The following DAB1 variants were observed in gnomAD, a reference collection of about 807,000 sequenced individuals.
DAB1 encodes disabled homolog 1.
Under a neutral mutation model 64.6 loss-of-function variants are expected in DAB1, and 15 were observed. That is an observed-to-expected ratio of 0.23 (90% CI 0.16 to 0.36). The LOEUF is 0.36. Ranked by LOEUF, DAB1 falls within the 10% of genes least tolerant of loss-of-function variation. The pLI is 1.00. For synonymous variants in DAB1, 235 were observed against 251.9 expected, an observed-to-expected ratio of 0.93 and a Z score of 0.64; for missense variants, 596 against 706.7, an observed-to-expected ratio of 0.84 and a Z score of 1.78.
intron 6 of DAB1, among the ~76,000 whole-genome samples, chr1:57,801,565 T>C (rs900856463): frequency 2.6e-5 from 4 of 152,210 alleles, no homozygotes; most frequent in Non-Finnish European, 5.9e-5. Context: ...ATTACAGCCA[T>C]GTGCTAAGCA....
intron 1 of DAB1, among the ~76,000 whole-genome samples, chr1:57,310,741 C>T (rs1674630333): frequency 6.6e-6 from 1 of 152,186 alleles, no homozygotes; most frequent in African/African-American, 2.4e-5. Flanking sequence ...ATGCTACTGT[C>T]ATTTCTCTGC....
At chr1:57,365,452 C>A (rs531452887) in intron 1 of DAB1, among the ~76,000 whole-genome samples, 1 of 147,900 alleles carries the variant, frequency 6.8e-6, no homozygotes, top group South Asian at 2.1e-4. Flanking sequence ...TATATTCTTA[C>A]ATATAAAATA....
chr1:57,213,499 G>A (rs950423376), intron 2 of DAB1, among the ~76,000 whole-genome samples: 9 of 151,838 alleles, frequency 5.9e-5, no homozygotes, highest in South Asian at 2.1e-4. Context: ...GAAAAAGAAT[G>A]ATCCAAAAAA....
chr1:58,351,285 C>T (rs1421527742), intron 3 of DAB1, among the ~76,000 whole-genome samples: 21 of 152,082 alleles, frequency 1.4e-4, no homozygotes, highest in Admixed American at 1.3e-3. Flanking sequence ...ATTTTTGGCT[C>T]ATAAACCCAT....
intron 14 of DAB1, among the ~76,000 whole-genome samples, chr1:57,007,403 T>C (rs1026609095): frequency 6.6e-6 from 1 of 152,226 alleles, no homozygotes; most frequent in African/African-American, 2.4e-5. Flanking sequence ...CAGTGAAGTA[T>C]AAATTACCTG....
intron 4 of DAB1, among the ~76,000 whole-genome samples, chr1:58,259,100 A>T (rs1660995916): frequency 6.6e-6 from 1 of 152,180 alleles, no homozygotes; most frequent in Non-Finnish European, 1.5e-5. Flanking sequence ...GATATAAGTG[A>T]CCCATAGTAG....
intron 7 of DAB1, among the ~76,000 whole-genome samples, chr1:57,501,513 T>C (rs1373087597): frequency 3.9e-5 from 6 of 152,202 alleles, no homozygotes; most frequent in Non-Finnish European, 7.3e-5. Context: ...AAGGATTAGA[T>C]AGACACACAG....
intron 3 of DAB1, among the ~76,000 whole-genome samples, chr1:58,412,476 A>G (rs1644680909): frequency 6.6e-6 from 1 of 152,234 alleles, no homozygotes; most frequent in Admixed American, 6.5e-5. Flanking sequence ...TAGTGCAGTT[A>G]CCAACTCTTC....
intron 6 of DAB1, among the ~76,000 whole-genome samples, chr1:57,763,501 C>G (rs1423242799): frequency 2.0e-5 from 3 of 151,870 alleles, no homozygotes; most frequent in Non-Finnish European, 4.4e-5. Context: ...ATAGTGAGAC[C>G]CTGTTTCTAC....
chr1:57,439,430 T>TGTTTTTTTTTGTTTTTTTTTTTTTG (rs1558381471), intron 7 of DAB1, among the ~76,000 whole-genome samples: 1 of 129,464 alleles, frequency 7.7e-6, no homozygotes, highest in East Asian at 2.5e-4. Context: ...TTTTTCTTTT[T>TGTTTTTTTTTGTTTTTTTTTTTTTG]TTTTTTTTTT....
intron 3 of DAB1, among the ~76,000 whole-genome samples, chr1:58,494,625 T>A (rs1465329272): frequency 2.6e-5 from 4 of 152,036 alleles, no homozygotes; most frequent in African/African-American, 9.7e-5. Flanking sequence ...AACAGACACT[T>A]CTCAAAAGAA....
chr1:57,670,309 G>A (rs965697951), intron 6 of DAB1, among the ~76,000 whole-genome samples: 12 of 152,022 alleles, frequency 7.9e-5, no homozygotes, highest in African/African-American at 2.2e-4. Flanking sequence ...AGAAAAGAGC[G>A]ACCTGCAAGG....
At chr1:57,125,991 G>A (rs1220274403) in intron 4 of DAB1, among the ~76,000 whole-genome samples, 1 of 152,112 alleles carries the variant, frequency 6.6e-6, no homozygotes, top group Admixed American at 6.6e-5. Context: ...ATGCCAGGAG[G>A]TAGGAGATAC....
intron 7 of DAB1, among the ~76,000 whole-genome samples, chr1:57,549,722 C>G (rs957156722): frequency 6.6e-6 from 1 of 152,196 alleles, no homozygotes; most frequent in Non-Finnish European, 1.5e-5. Flanking sequence ...AGACCTTATT[C>G]AGGTCAGCAT....
intron 5 of DAB1, among the ~76,000 whole-genome samples, chr1:58,149,568 T>C (rs1411788910): frequency 1.3e-5 from 2 of 152,156 alleles, no homozygotes; most frequent in East Asian, 1.9e-4. Context: ...ACAAGAGTCA[T>C]ACTCAGGCCC....
intron 2 of DAB1, among the ~76,000 whole-genome samples, chr1:57,281,229 T>C (rs1288308993): frequency 1.3e-5 from 2 of 152,132 alleles, no homozygotes; most frequent in African/African-American, 4.8e-5. Flanking sequence ...ATAAACCTTA[T>C]TTAAATAATG....
intron 5 of DAB1, among the ~76,000 whole-genome samples, chr1:58,000,991 C>T (rs1426708212): frequency 2.6e-5 from 4 of 151,928 alleles, no homozygotes; most frequent in African/African-American, 7.3e-5. Context: ...TTCTCCCTAC[C>T]TACCCTTTCT....
intron 2 of DAB1, among the ~76,000 whole-genome samples, chr1:57,160,811 C>T (rs1209989165): frequency 1.3e-5 from 2 of 152,106 alleles, no homozygotes; most frequent in South Asian, 2.1e-4. Context: ...GGATGATTGT[C>T]GGAACTGCCT....
At chr1:57,437,447 G>C (rs1321302191) in intron 7 of DAB1, among the ~76,000 whole-genome samples, 1 of 152,134 alleles carries the variant, frequency 6.6e-6, no homozygotes, top group Non-Finnish European at 1.5e-5. Flanking sequence ...TCATTGAATT[G>C]TAATATGAAT....
Sources: gnomAD v4.1 joint callset for allele counts (sites outside exome capture counted in the v4.1 genomes callset) on GRCh38, gnomAD v4.1.1 for gene constraint, MANE v1.5 for transcripts, NCBI Gene and HGNC (gene_info 2026-07-23, HGNC 2026-07-21) for gene names.